Variants in TPCN2 observed in about 807,000 individuals in gnomAD.
The protein encoded by TPCN2 is two pore channel protein 2.
TPCN2 carries 92 observed loss-of-function variants against 111.4 expected under a neutral mutation model. The observed-to-expected ratio is 0.83, with a 90% CI of 0.70 to 0.98. The LOEUF is 0.98. Ranked by LOEUF, TPCN2 falls within the 50% of genes least tolerant of loss-of-function variation. TPCN2 has a pLI of 0.00. For synonymous variants in TPCN2, 405 were observed against 414.5 expected, an observed-to-expected ratio of 0.98 and a Z score of 0.28; for missense variants, 995 against 980.1, an observed-to-expected ratio of 1.02 and a Z score of -0.20.
chr11:69,081,868 G>T (rs1391083136), intron 18 of TPCN2, among the ~76,000 whole-genome samples: 1 of 152,178 alleles, frequency 6.6e-6, no homozygotes, highest in Non-Finnish European at 1.5e-5. Context: ...ATGAGGGGCA[G>T]TGGTATCCCT....
chr11:69,069,563 C>T lies in TPCN2; in HGVS notation c.830-867C>T, dbSNP rs375085938. Among the ~76,000 whole-genome samples, 136 of 16,064 alleles carry T rather than the reference C, an allele frequency of 8.5e-3. 8 individuals are homozygous for T. The highest frequency in any genetic ancestry group is 0.061 in the East Asian group (37 of 604). The allele number at this position is 16,064 out of a possible 152,430, so 10.5% of individuals were successfully genotyped here. Reference sequence around the variant, plus strand: ...GAAGTGACCGCACTGGGAGCAGGACCGTCTGAGTCCTAGGAAGTGACCGCA... The same window carrying T: ...GAAGTGACCGCACTGGGAGCAGGACTGTCTGAGTCCTAGGAAGTGACCGCA... On this transcript the variant is annotated intron_variant, in intron 8 of 24. Transcript: ENST00000294309.
chr11:69,070,764 AGATCCCCCACCAACAGCTTCACCCGAGG>A lies in TPCN2; in HGVS notation c.895+294_895+321del, dbSNP rs1855490667. 1.2e-4 allele frequency among the ~76,000 whole-genome samples: 11 copies of A among 90,896 alleles called. No homozygotes were observed. In the South Asian group the frequency reaches 1.7e-3, roughly 14 times the overall value. The allele number at this position is 90,896 out of a possible 152,430, so 59.6% of individuals were successfully genotyped here. On this transcript the variant is annotated intron_variant, in intron 9 of 24. Transcript: ENST00000294309. ...TCCCCCACCAACAGCTTCACCCCAGAGATCCCCCACCAACAGCTTCACCCGAGGGATCCCCCACCAACAGCTTCACCCC... is the reference window on the plus strand; with the variant it reads ...TCCCCCACCAACAGCTTCACCCCAGAGATCCCCCACCAACAGCTTCACCCC...
chr11:69,080,784 G>A (rs1221745730), intron 17 of TPCN2, among the ~76,000 whole-genome samples: 1 of 152,248 alleles, frequency 6.6e-6, no homozygotes, highest in Non-Finnish European at 1.5e-5. Context: ...GCATTGCCTT[G>A]TCTTTCATGT....
At chr11:69,055,148 GTT>G in intron 3 of TPCN2, 25 bp from the exon 4 acceptor site, 2 of 1,609,948 alleles carry the variant, frequency 1.2e-6, no homozygotes, top group Non-Finnish European at 1.7e-6. Flanking sequence ...TGGCTCCTGT[GTT>G]TTCATGTTTC....
chr11:69,073,381 C>T (rs922512998), intron 13 of TPCN2, among the ~76,000 whole-genome samples: 2 of 152,234 alleles, frequency 1.3e-5, no homozygotes, highest in South Asian at 2.1e-4. Context: ...CCTCAGCATC[C>T]GACTAAGCTC....
chr11:69,063,106 C>T, intron 6 of TPCN2, 116 bp downstream of exon 6: 2 of 894,464 alleles, frequency 2.2e-6, no homozygotes, highest in South Asian at 1.5e-5. Flanking sequence ...GCTCCGCATC[C>T]CTGGCTGGCT....
intron 5 of TPCN2, among the ~76,000 whole-genome samples, chr11:69,061,713 A>G (rs865797974): frequency 1.7e-4 from 26 of 152,068 alleles, no homozygotes; most frequent in Middle Eastern, 3.4e-3. Flanking sequence ...GGGCTGGGAT[A>G]GGAGCAGGGG....
At chr11:69,049,294 AC>A (rs1861106490) in intron 1 of TPCN2, among the ~76,000 whole-genome samples, 188 bp downstream of exon 1, 1 of 152,002 alleles carries the variant, frequency 6.6e-6, no homozygotes, top group Non-Finnish European at 1.5e-5. Flanking sequence ...CGTCCTGCGG[AC>A]CCGGACCGGG....
intron 13 of TPCN2, among the ~76,000 whole-genome samples, chr11:69,074,109 A>T (rs2134596901): frequency 6.6e-6 from 1 of 152,358 alleles, no homozygotes; most frequent in Non-Finnish European, 1.5e-5. Flanking sequence ...TTCAACCCAT[A>T]GCAACTGTCA....
chr11:69,061,022 G>T (rs1854996591), intron 5 of TPCN2, among the ~76,000 whole-genome samples: 1 of 152,236 alleles, frequency 6.6e-6, no homozygotes, highest in South Asian at 2.1e-4. Context: ...GTCACTTGCA[G>T]ATGTTCTGGA....
rs572522520 is a variant in TPCN2, at chr11:69,072,839, G to A, written c.1144-76G>A. On this transcript the variant is annotated intron_variant, in intron 12 of 24. Transcript: ENST00000294309. The stretch of plus-strand genomic sequence containing the variant: ...ATTCACAGCCCGTCAGGGTGGGGTT[G>A]GGGCTGGGGGCGCTCACCTTCGAGG... The A allele has an allele frequency of 4.0e-6, 6 of 1,518,372 alleles. No homozygotes were observed. The Admixed American group carries it at 1.0e-4, about 26-fold the overall frequency. The allele number at this position is 1,518,372 out of a possible 1,614,324, so 94.1% of individuals were successfully genotyped here.
At chr11:69,050,124 C>A (rs1175422005) in intron 1 of TPCN2, among the ~76,000 whole-genome samples, 3 of 152,202 alleles carry the variant, frequency 2.0e-5, no homozygotes, top group Non-Finnish European at 4.4e-5. Flanking sequence ...AAGGAGGGGA[C>A]CCTGACGAGA....
rs900611190 is a variant in TPCN2, at chr11:69,085,193, G to A, written c.1762-17G>A. Reference sequence around the variant, plus strand: ...CCATGGGTGGGGCTGATCAGTCCCCGGCTCCTGGCCCGCCAGGTGGTCTAC... The same window carrying A: ...CCATGGGTGGGGCTGATCAGTCCCCAGCTCCTGGCCCGCCAGGTGGTCTAC... On this transcript the variant is annotated splice_polypyrimidine_tract_variant and intron_variant, in intron 19 of 24. Coordinates refer to ENST00000294309, the MANE Select transcript of TPCN2 (RefSeq NM_139075.4). 6.8e-6 allele frequency: 11 copies of A among 1,613,510 alleles called. No individual in the cohort carries two copies. Among genetic ancestry groups the A allele is most frequent in the Admixed American group, 1.7e-5 (1 of 60,006 alleles).
chr11:69,088,088 G>T lies in TPCN2; in HGVS notation c.*135G>T, dbSNP rs918889561. On this transcript the variant is annotated 3_prime_UTR_variant, in exon 25 of 25. Coordinates refer to ENST00000294309, the MANE Select transcript of TPCN2 (RefSeq NM_139075.4). ...TTTCCTCTGACGGACCACTAAGCTG[G>T]GGACAGGAACCAAGTCCTTTGCGTG... 3 of 723,436 alleles carry T rather than the reference G, an allele frequency of 4.1e-6. No individual in the cohort carries two copies. The highest frequency in any genetic ancestry group is 6.7e-6 in the Non-Finnish European group (3 of 447,600). The allele number at this position is 723,436 out of a possible 1,614,324, so 44.8% of individuals were successfully genotyped here.
chr11:69,079,783 G>A (rs530798803), intron 16 of TPCN2, 51 bp from the exon 17 acceptor site: 13 of 1,554,836 alleles, frequency 8.4e-6, no homozygotes, highest in East Asian at 2.2e-5. Context: ...TTTAAGGGCC[G>A]CCCAGATTAG....
At chr11:69,077,181 C>CCA (rs1855818239) in intron 13 of TPCN2, among the ~76,000 whole-genome samples, 1 of 8,602 alleles carries the variant, frequency 1.2e-4, no homozygotes, top group South Asian at 3.2e-3. Flanking sequence ...CTGCCGTGTC[C>CCA]CTTCACCTGC....
At chr11:69,061,868 C>T (rs1412406546) in intron 5 of TPCN2, among the ~76,000 whole-genome samples, 4 of 149,742 alleles carry the variant, frequency 2.7e-5, no homozygotes, top group Non-Finnish European at 5.9e-5. Flanking sequence ...GTGTGGTGGC[C>T]GTGGGTGGGC....
intron 13 of TPCN2, among the ~76,000 whole-genome samples, chr11:69,075,586 T>C (rs1211707156): frequency 1.3e-5 from 2 of 152,232 alleles, no homozygotes; most frequent in East Asian, 3.8e-4. Context: ...GGGAGGCAGA[T>C]GCTTCTGGGA....
intron 1 of TPCN2, among the ~76,000 whole-genome samples, chr11:69,050,239 G>A (rs1345705252): frequency 6.6e-6 from 1 of 152,220 alleles, no homozygotes; most frequent in Non-Finnish European, 1.5e-5. Context: ...AAGGAGATCT[G>A]CAGGGAGCAG....
Sources: gnomAD v4.1 joint callset for allele counts (sites outside exome capture counted in the v4.1 genomes callset) on GRCh38, gnomAD v4.1.1 for gene constraint, MANE v1.5 for transcripts, NCBI Gene and HGNC (gene_info 2026-07-23, HGNC 2026-07-21) for gene names.